The following PPP1R16B variants were observed in gnomAD, a reference collection of about 807,000 sequenced individuals.
PPP1R16B encodes the protein protein phosphatase 1 regulatory subunit 16B.
A neutral mutation model predicts 61.7 loss-of-function variants in PPP1R16B; 14 were observed. That is an observed-to-expected ratio of 0.23 (90% CI 0.15 to 0.35). The LOEUF (loss-of-function observed/expected upper bound fraction) is 0.35. Among genes scored for constraint, PPP1R16B ranks in the 10% least tolerant of loss-of-function variants. The probability of loss-of-function intolerance (pLI) is 1.00; values close to 1 mark genes in which losing one functional copy is unlikely to be tolerated. For missense variants in PPP1R16B, 547 were observed against 752.5 expected (o/e 0.73, Z 3.19); for synonymous variants, 266 against 305.3 (o/e 0.87, Z 1.34).
At chr20:38,909,011 G>GT (rs1023047885) in intron 10 of PPP1R16B, among the ~76,000 whole-genome samples, 3 of 151,582 alleles carry the variant, frequency 2.0e-5, no homozygotes, top group Admixed American at 1.3e-4. Context: ...TATTTTATTG[G>GT]TTTTTTTTGA....
At chr20:38,888,918 CACACACACA>C (rs1307954663) in intron 2 of PPP1R16B, among the ~76,000 whole-genome samples, 4 of 151,402 alleles carry the variant, frequency 2.6e-5, no homozygotes, top group East Asian at 1.9e-4. Flanking sequence ...CACACACACA[CACACACACA>C]CCCCTAGACA....
intron 1 of PPP1R16B, among the ~76,000 whole-genome samples, chr20:38,827,978 C>A (rs958014151): frequency 2.6e-5 from 4 of 152,184 alleles, no homozygotes; most frequent in African/African-American, 9.6e-5. Flanking sequence ...GGACCCATCG[C>A]CTTCCTCCAG....
At chr20:38,835,707 G>T in intron 1 of PPP1R16B, 118 bp from the exon 2 acceptor site, 1 of 567,448 alleles carries the variant, frequency 1.8e-6, no homozygotes, top group Admixed American at 3.2e-5. Context: ...CACTTCTCTT[G>T]AGGAGCAATG....
At chr20:38,915,797 GTTT>G (rs528236296) in intron 10 of PPP1R16B, among the ~76,000 whole-genome samples, 2 of 151,122 alleles carry the variant, frequency 1.3e-5, no homozygotes, top group African/African-American at 4.9e-5. Flanking sequence ...GCCTGTACAT[GTTT>G]TTTTTTAACT....
In PPP1R16B at chr20:38,836,112, A is replaced by G. The variant is rs144779599; in HGVS notation, c.187A>G (p.Lys63Glu). Reference sequence around the variant, plus strand: ...GCGCAGCACGGGCGGCCGCCGCAAGAAAGTGTCCTTCGAGGCCAGCGTGGC... The same window carrying G: ...GCGCAGCACGGGCGGCCGCCGCAAGGAAGTGTCCTTCGAGGCCAGCGTGGC... The part of the protein sequence containing the change: ...RKRSTGGRRK[K>E]VSFEASVALL... The change falls in exon 2 of 11, where the codon AAA becomes GAA. Residue 63 changes from lysine (K) to glutamate (E), a missense_variant. Transcript: ENST00000299824. 1.5e-3 allele frequency: 2,486 copies of G among 1,612,646 alleles called. 5 individuals carry two copies. Among genetic ancestry groups the G allele is most frequent in the Non-Finnish European group, 1.9e-3 (2,195 of 1,179,924 alleles).
intron 1 of PPP1R16B, among the ~76,000 whole-genome samples, chr20:38,831,571 C>T (rs573266673): frequency 6.6e-6 from 1 of 152,196 alleles, no homozygotes; most frequent in African/African-American, 2.4e-5. Flanking sequence ...GGCAGTCAGG[C>T]GGGAGTAATG....
chr20:38,875,114 G>T (rs565554872), intron 2 of PPP1R16B, among the ~76,000 whole-genome samples: 15 of 152,232 alleles, frequency 9.9e-5, no homozygotes, highest in African/African-American at 3.4e-4. Flanking sequence ...TCTATTGCTG[G>T]GAGCATCAGC....
chr20:38,906,951 G>T, intron 7 of PPP1R16B, 28 bp from the exon 8 acceptor site: 1 of 1,593,368 alleles, frequency 6.3e-7, no homozygotes, highest in Non-Finnish European at 8.6e-7. Flanking sequence ...TGGGCAGGGG[G>T]ACACATGAGC....
At chr20:38,885,338 T>G (rs1423938345) in intron 2 of PPP1R16B, among the ~76,000 whole-genome samples, 1 of 152,196 alleles carries the variant, frequency 6.6e-6, no homozygotes, top group Non-Finnish European at 1.5e-5. Flanking sequence ...CAACACCATT[T>G]CTTCTGTCCC....
At chr20:38,852,626 T>C (rs1199549972) in intron 2 of PPP1R16B, among the ~76,000 whole-genome samples, 4 of 152,138 alleles carry the variant, frequency 2.6e-5, no homozygotes, top group African/African-American at 9.7e-5. Context: ...TGTCAGGTGC[T>C]CAATGGAGTC....
chr20:38,868,293 C>T (rs1405910551), intron 2 of PPP1R16B, among the ~76,000 whole-genome samples: 1 of 152,114 alleles, frequency 6.6e-6, no homozygotes, highest in Non-Finnish European at 1.5e-5. Context: ...TAAGCTCATG[C>T]CTTTTTACTT....
intron 2 of PPP1R16B, among the ~76,000 whole-genome samples, chr20:38,853,973 A>C (rs4812319): frequency 4.6e-5 from 7 of 152,010 alleles, no homozygotes; most frequent in East Asian, 1.9e-4. Context: ...CCAAGCTCAG[A>C]GTCAGTGTGG....
chr20:38,833,503 A>T (rs961333404), intron 1 of PPP1R16B, among the ~76,000 whole-genome samples: 1 of 152,252 alleles, frequency 6.6e-6, no homozygotes, highest in Non-Finnish European at 1.5e-5. Flanking sequence ...AGATGCTACC[A>T]CTGGGATAAA....
chr20:38,884,347 T>C (rs571695210), intron 2 of PPP1R16B, among the ~76,000 whole-genome samples: 76 of 152,362 alleles, frequency 5.0e-4, no homozygotes, highest in African/African-American at 1.8e-3. Context: ...GCAGTAGCTC[T>C]GTAGGCGGAA....
intron 3 of PPP1R16B, among the ~76,000 whole-genome samples, chr20:38,891,832 T>C (rs2085294655): frequency 6.6e-6 from 1 of 151,534 alleles, no homozygotes; most frequent in Non-Finnish European, 1.5e-5. Context: ...TTATCATCCC[T>C]GTTTTATGGC....
intron 1 of PPP1R16B, among the ~76,000 whole-genome samples, chr20:38,826,376 G>T (rs1171822059): frequency 6.6e-6 from 1 of 151,926 alleles, no homozygotes; most frequent in East Asian, 1.9e-4. Flanking sequence ...TTAGCTTTGT[G>T]TGTGCCCCTG....
intron 4 of PPP1R16B, among the ~76,000 whole-genome samples, chr20:38,896,268 T>C (rs1461182758): frequency 1.4e-5 from 2 of 145,988 alleles, no homozygotes; most frequent in Non-Finnish European, 3.0e-5. Flanking sequence ...CTTCCTTTCT[T>C]CTTTCTTCCC....
In PPP1R16B at chr20:38,919,485, A is replaced by AG. The variant is rs546857268; in HGVS notation, c.*824dup. 6.6e-6 allele frequency: 1 copy of AG among 152,198 alleles called. No individual in the cohort carries two copies. Among genetic ancestry groups the AG allele is most frequent in the African/African-American group, 2.4e-5 (1 of 41,434 alleles). The allele number at this position is 152,198 out of a possible 1,614,324, so 9.4% of individuals were successfully genotyped here. A position where few individuals can be genotyped will look rare whatever the true frequency, so the allele number is the denominator to read the frequency against. ...AGTGTCAAAGGCAGAAGGGTGTGGGAGGGGGACAAGGTCAGTATTTACCAA... is the reference window on the plus strand; with the variant it reads ...AGTGTCAAAGGCAGAAGGGTGTGGGAGGGGGGACAAGGTCAGTATTTACCAA... On this transcript the variant is annotated 3_prime_UTR_variant, in exon 11 of 11. Transcript: ENST00000299824.
Position 38,806,611 on chromosome 20 carries a change from C to A in PPP1R16B, c.-102+819C>A, listed in dbSNP as rs987015473. 6.6e-6 allele frequency among the ~76,000 whole-genome samples: 1 copy of A among 152,160 alleles called. No homozygotes were observed. Among genetic ancestry groups the A allele is most frequent in the Non-Finnish European group, 1.5e-5 (1 of 68,012 alleles). On this transcript the variant is annotated intron_variant, in intron 1 of 10. Transcript: ENST00000299824. The surrounding 1 kb of genome is among the most constrained non-coding windows in gnomAD (Gnocchi z 4.5). The stretch of plus-strand genomic sequence containing the variant: ...CCAGAGGGGTCTCCCCAAGGTCACC[C>A]GGAGTGCCCAGGCTGAGCTGCCCAG...
Sources: gnomAD v4.1 joint callset for allele counts (sites outside exome capture counted in the v4.1 genomes callset) on GRCh38, gnomAD v4.1.1 for gene constraint, Gnocchi (gnomAD v3.1) non-coding constraint, MANE v1.5 for transcripts, NCBI Gene and HGNC (gene_info 2026-07-23, HGNC 2026-07-21) for gene names.